The following STK32B variants were observed in gnomAD, a reference collection of about 807,000 sequenced individuals.
The protein encoded by STK32B is serine/threonine-protein kinase 32B.
A neutral mutation model predicts 52.6 loss-of-function variants in STK32B; 43 were observed. The observed-to-expected ratio is 0.82, with a 90% CI of 0.64 to 1.05. The LOEUF is 1.05. Among genes scored for constraint, STK32B ranks in the 50% least tolerant of loss-of-function variants. The pLI is 0.00. For missense variants in STK32B, 621 were observed against 534.6 expected (o/e 1.16, Z -1.59); for synonymous variants, 238 against 204.3 (o/e 1.17, Z -1.41).
rs1028599961 is a variant in STK32B at position 5,492,010 on chromosome 4, C to T, written c.1107-6935C>T. On this transcript the variant is annotated intron_variant, in intron 11 of 11. Transcript: ENST00000282908. ...TGTAGTATAGTTTGAAGTCAGGTAG[C>T]GTGATGCCTCCAGCTTTGTTCTTTT... 5.7e-3 allele frequency among the ~76,000 whole-genome samples: 861 copies of T among 152,040 alleles called. 9 individuals are homozygous for T. Among genetic ancestry groups the T allele is most frequent in the African/African-American group, 0.013 (549 of 41,496 alleles).
chr4:5,087,384 T>C (rs1362290064), intron 1 of STK32B, among the ~76,000 whole-genome samples: 3 of 151,826 alleles, frequency 2.0e-5, no homozygotes, highest in Non-Finnish European at 4.4e-5. Context: ...AATAGAGGAA[T>C]TGACAAATAA....
At chr4:5,397,950 G>A (rs959440436) in intron 4 of STK32B, among the ~76,000 whole-genome samples, 1 of 152,256 alleles carries the variant, frequency 6.6e-6, no homozygotes, top group African/African-American at 2.4e-5. Flanking sequence ...AGCTGGAGCT[G>A]AGAGGCTAAA....
intron 1 of STK32B, among the ~76,000 whole-genome samples, chr4:5,052,766 G>A (rs1417177948): frequency 6.6e-6 from 1 of 152,172 alleles, no homozygotes; most frequent in Non-Finnish European, 1.5e-5. Context: ...CGTTTTTTAT[G>A]TTAAGAGCCC....
chr4:5,191,585 C>T (rs945326003), intron 3 of STK32B, among the ~76,000 whole-genome samples: 12 of 152,192 alleles, frequency 7.9e-5, no homozygotes, highest in African/African-American at 2.9e-4. Context: ...TGTTGGTGTT[C>T]TACATTTGAT....
the STK32B span, among the ~76,000 whole-genome samples, chr4:5,023,430 C>T: frequency 6.6e-6 from 1 of 152,178 alleles, no homozygotes; most frequent in Non-Finnish European, 1.5e-5. Flanking sequence ...TGCATACGTC[C>T]CTGGACAGGG....
At chr4:5,429,453 AAAC>A (rs1028775274) in intron 6 of STK32B, among the ~76,000 whole-genome samples, 9 of 152,088 alleles carry the variant, frequency 5.9e-5, no homozygotes, top group African/African-American at 2.2e-4. Context: ...CCTCTTTAAA[AAAC>A]AATATACATC....
chr4:5,397,939 C>T (rs1737023522), intron 4 of STK32B, among the ~76,000 whole-genome samples: 1 of 152,238 alleles, frequency 6.6e-6, no homozygotes, highest in Non-Finnish European at 1.5e-5. Context: ...GTTACCATTA[C>T]AGCTGGAGCT....
chr4:5,448,549 G>T (rs981327234), intron 7 of STK32B, among the ~76,000 whole-genome samples: 1 of 152,270 alleles, frequency 6.6e-6, no homozygotes, highest in African/African-American at 2.4e-5. Context: ...TCATGGGTCA[G>T]TGCAATCAAA....
intron 3 of STK32B, among the ~76,000 whole-genome samples, chr4:5,295,236 T>C (rs1163601283): frequency 1.4e-5 from 2 of 145,560 alleles, no homozygotes; most frequent in African/African-American, 5.6e-5. Context: ...TGAAGTTTTC[T>C]TATTTTTTTG....
intron 3 of STK32B, among the ~76,000 whole-genome samples, chr4:5,180,787 G>T (rs1331489132): frequency 6.6e-6 from 1 of 152,148 alleles, no homozygotes; most frequent in East Asian, 1.9e-4. Flanking sequence ...CTCTACAACT[G>T]GTAGAGGCAA....
chr4:5,234,443 A>G (rs1724489168), intron 3 of STK32B, among the ~76,000 whole-genome samples: 1 of 152,210 alleles, frequency 6.6e-6, no homozygotes, highest in African/African-American at 2.4e-5. Flanking sequence ...CTTCATGAGG[A>G]TGGAGACTTG....
chr4:5,248,819 G>A (rs765373463), intron 3 of STK32B, among the ~76,000 whole-genome samples: 18 of 151,930 alleles, frequency 1.2e-4, no homozygotes, highest in African/African-American at 2.7e-4. Context: ...GCAAACTATC[G>A]TGAGGACAAA....
chr4:5,203,628 T>G (rs1722328038), intron 3 of STK32B, among the ~76,000 whole-genome samples: 1 of 152,252 alleles, frequency 6.6e-6, no homozygotes, highest in African/African-American at 2.4e-5. Context: ...ATGTCCTCAG[T>G]GCCTACCATA....
In STK32B at chr4:5,453,889, G is replaced by T. The variant is rs1473889815; in HGVS notation, c.667-2918G>T. On this transcript the variant is annotated intron_variant, in intron 7 of 11. Coordinates refer to ENST00000282908, the MANE Select transcript of STK32B (RefSeq NM_018401.3). The surrounding 1 kb of genome is among the most constrained non-coding windows in gnomAD (Gnocchi z 4.0). ...CATTGCACTCCAGTCTAGGCGACAA[G>T]AGTGAAACTCCATCTAAAAAAAAAG... 6.6e-6 allele frequency among the ~76,000 whole-genome samples: 1 copy of T among 151,366 alleles called. No homozygotes were observed. The highest frequency in any genetic ancestry group is 2.0e-4 in the East Asian group (1 of 4,930).
intron 1 of STK32B, among the ~76,000 whole-genome samples, chr4:5,137,409 C>T (rs1716140566): frequency 6.6e-6 from 1 of 152,144 alleles, no homozygotes; most frequent in Non-Finnish European, 1.5e-5. Context: ...TTTTCCAGTT[C>T]ATCACTCGGA....
chr4:5,023,761 G>A, the STK32B span, among the ~76,000 whole-genome samples: 1 of 151,976 alleles, frequency 6.6e-6, no homozygotes, highest in African/African-American at 2.4e-5. Context: ...ATCTCCTCCC[G>A]GTGGCCATTT....
intron 4 of STK32B, among the ~76,000 whole-genome samples, chr4:5,357,344 G>A (rs1734255708): frequency 7.5e-6 from 1 of 133,436 alleles, no homozygotes; most frequent in Non-Finnish European, 1.5e-5. Flanking sequence ...AGTACGCTTT[G>A]AGCACTACCA....
At chr4:5,210,405 C>T (rs1722838134) in intron 3 of STK32B, among the ~76,000 whole-genome samples, 2 of 152,156 alleles carry the variant, frequency 1.3e-5, no homozygotes, top group Admixed American at 1.3e-4. Context: ...TGTCCCTTTT[C>T]GTCCATCCAT....
the STK32B span, among the ~76,000 whole-genome samples, chr4:5,026,935 G>T: frequency 6.6e-6 from 1 of 152,214 alleles, no homozygotes; most frequent in South Asian, 2.1e-4. Context: ...GAGTCTGAGT[G>T]CTAAGGTAAG....
Sources: gnomAD v4.1 joint callset for allele counts (sites outside exome capture counted in the v4.1 genomes callset) on GRCh38, gnomAD v4.1.1 for gene constraint, Gnocchi (gnomAD v3.1) non-coding constraint, MANE v1.5 for transcripts, NCBI Gene and HGNC (gene_info 2026-07-23, HGNC 2026-07-21) for gene names.